The following TENM3 variants were observed in gnomAD, a reference collection of about 807,000 sequenced individuals.
The protein encoded by TENM3 is teneurin-3.
In TENM3, 63 loss-of-function variants were observed where a neutral mutation model predicts 255.1. The observed-to-expected ratio is 0.25, with a 90% CI of 0.20 to 0.30. The LOEUF (loss-of-function observed/expected upper bound fraction) is 0.30. Among genes scored for constraint, TENM3 ranks in the 10% least tolerant of loss-of-function variants. TENM3 has a pLI of 1.00. For missense variants in TENM3, 2,929 were observed against 3,461.1 expected, an observed-to-expected ratio of 0.85 and a Z score of 3.86; for synonymous variants, 1,306 against 1,322.3, an observed-to-expected ratio of 0.99 and a Z score of 0.27.
At chr4:182,058,080 T>C in the TENM3 span, among the ~76,000 whole-genome samples, 2 of 147,114 alleles carry the variant, frequency 1.4e-5, no homozygotes, top group African/African-American at 4.9e-5. Flanking sequence ...CAGGTTTTGC[T>C]AATTCTTAAT....
intron 12 of TENM3, among the ~76,000 whole-genome samples, chr4:182,710,401 AT>A (rs1180016464): frequency 6.6e-6 from 1 of 152,180 alleles, no homozygotes; most frequent in African/African-American, 2.4e-5. Context: ...AAGGTAAATT[AT>A]TTTTATTATT....
chr4:182,468,454 AC>A (rs1274823440), intron 3 of TENM3, among the ~76,000 whole-genome samples: 1 of 152,116 alleles, frequency 6.6e-6, no homozygotes, highest in Non-Finnish European at 1.5e-5. Context: ...GGATAACAAA[AC>A]CCTAACAGAC....
chr4:181,880,705 C>G, the TENM3 span, among the ~76,000 whole-genome samples: 1 of 152,144 alleles, frequency 6.6e-6, no homozygotes, highest in African/African-American at 2.4e-5. Context: ...GCTCTAACTC[C>G]TACCCTTTGA....
At chr4:181,857,908 G>A in the TENM3 span, among the ~76,000 whole-genome samples, 6 of 152,198 alleles carry the variant, frequency 3.9e-5, 1 homozygote, top group Non-Finnish European at 7.3e-5. Context: ...GACAGAGAGA[G>A]ACATGTGGAG....
chr4:181,840,299 C>A, the TENM3 span, among the ~76,000 whole-genome samples: 1 of 151,990 alleles, frequency 6.6e-6, no homozygotes, highest in Admixed American at 6.6e-5. Context: ...CATTCTGTGG[C>A]TGATAATTTT....
At chr4:182,628,551 G>C (rs923938820) in intron 4 of TENM3, 100 bp from the exon 5 acceptor site, 3 of 727,716 alleles carry the variant, frequency 4.1e-6, no homozygotes, top group South Asian at 3.7e-5. Context: ...AAAAAAGAGA[G>C]AGAGAGCAAA....
At chr4:181,797,383 T>C in the TENM3 span, among the ~76,000 whole-genome samples, 4 of 152,202 alleles carry the variant, frequency 2.6e-5, no homozygotes, top group African/African-American at 7.2e-5. Flanking sequence ...CCCGAGACCA[T>C]TGTCTCCTTG....
chr4:182,507,548 T>TA (rs1487360612), intron 3 of TENM3, among the ~76,000 whole-genome samples: 2 of 152,238 alleles, frequency 1.3e-5, no homozygotes, highest in African/African-American at 2.4e-5. Context: ...TGGATTTTCT[T>TA]AATACAGTCT....
intron 18 of TENM3, among the ~76,000 whole-genome samples, chr4:182,739,872 C>T (rs1173467964): frequency 6.6e-6 from 1 of 152,012 alleles, no homozygotes; most frequent in Admixed American, 6.5e-5. Context: ...CCTGTCTCTA[C>T]AAAATACACA....
rs373103633 is a variant in TENM3 at position 182,688,386 on chromosome 4, C to G, written c.2221+35C>G. 2.7e-5 allele frequency: 40 copies of G among 1,461,342 alleles called. No homozygotes were observed. The African/African-American group carries it at 5.4e-4, about 20-fold the overall frequency. 90.5% of individuals were successfully genotyped at this position (1,461,342 alleles called of 1,614,324 possible). ...CTGCAAGTCTGTGTCTGTCCCCTTC[C>G]TCCCAGAGAAGAGCACCGACGGTCA... On this transcript the variant is annotated intron_variant, in intron 12 of 27. Transcript: ENST00000511685.
At chr4:181,677,453 C>T in the TENM3 span, among the ~76,000 whole-genome samples, 1 of 152,274 alleles carries the variant, frequency 6.6e-6, no homozygotes, top group South Asian at 2.1e-4. Context: ...TTTCACTTCA[C>T]ATTGTCTAGT....
chr4:182,101,297 AGGAGGGAG>A, the TENM3 span, among the ~76,000 whole-genome samples: 562 of 122,240 alleles, frequency 4.6e-3, no homozygotes, highest in Non-Finnish European at 5.9e-3. Flanking sequence ...GGAGGAAGGA[AGGAGGGAG>A]GGAAAGAAGG....
At chr4:181,749,397 C>G in the TENM3 span, among the ~76,000 whole-genome samples, 199 of 152,148 alleles carry the variant, frequency 1.3e-3, no homozygotes, top group Middle Eastern at 3.4e-3. Context: ...TGTAACGTAC[C>G]GTTTTGAAGG....
intron 1 of TENM3, among the ~76,000 whole-genome samples, chr4:182,258,026 A>G (rs1758536420): frequency 6.6e-6 from 1 of 152,122 alleles, no homozygotes; most frequent in South Asian, 2.1e-4. Context: ...TATAGTATAA[A>G]TGTATAAAGA....
chr4:181,836,164 A>C, the TENM3 span, among the ~76,000 whole-genome samples: 9 of 131,946 alleles, frequency 6.8e-5, no homozygotes, highest in Non-Finnish European at 1.1e-4. Flanking sequence ...TTTGCTATAC[A>C]CTGTTTTCAT....
chr4:182,360,760 C>G (rs889870339), intron 3 of TENM3, among the ~76,000 whole-genome samples: 3 of 151,900 alleles, frequency 2.0e-5, no homozygotes, highest in African/African-American at 2.4e-5. Context: ...TTGAACCTGT[C>G]ATTATGATGT....
At chr4:181,738,397 A>G in the TENM3 span, among the ~76,000 whole-genome samples, 1 of 152,144 alleles carries the variant, frequency 6.6e-6, no homozygotes, top group Admixed American at 6.6e-5. Context: ...TGTCCATTGT[A>G]CTGGTCCTGT....
the TENM3 span, among the ~76,000 whole-genome samples, chr4:182,039,434 A>C: frequency 1.3e-5 from 2 of 152,124 alleles, no homozygotes; most frequent in East Asian, 1.9e-4. Context: ...CCATGGCAGC[A>C]CTGGTGCAAA....
Position 182,704,088 on chromosome 4 carries a change from T to C in TENM3, c.2222-9999T>C, listed in dbSNP as rs116777167. On this transcript the variant is annotated intron_variant, in intron 12 of 27. Transcript: ENST00000511685. ...TAGTTTCATTACCAAATTGGAGTAC[T>C]AAAATATACCTTTTTTTTTTAATCT... Among the ~76,000 whole-genome samples, 1,233 of 152,330 alleles carry C rather than the reference T, an allele frequency of 8.1e-3. 11 individuals are homozygous for C. The highest frequency in any genetic ancestry group is 0.029 in the African/African-American group (1,188 of 41,576).
Sources: allele counts gnomAD v4.1 joint callset (sites outside exome capture counted in the v4.1 genomes callset), GRCh38; gene constraint gnomAD v4.1.1; transcripts MANE v1.5; gene names NCBI Gene and HGNC (gene_info 2026-07-23, HGNC 2026-07-21).